The following SYNJ1 variants were observed in gnomAD, a reference collection of about 807,000 sequenced individuals.
The protein encoded by SYNJ1 is synaptojanin 1.
A neutral mutation model predicts 168.2 loss-of-function variants in SYNJ1; 78 were observed. The observed-to-expected ratio is 0.46, with a 90% confidence interval of 0.39 to 0.56. The LOEUF is 0.56. Among genes scored for constraint, SYNJ1 ranks in the 20% least tolerant of loss-of-function variants. The pLI, the probability that SYNJ1 is intolerant of heterozygous loss-of-function variation, is 0.00. For missense variants in SYNJ1, 1,303 were observed against 1,597.6 expected (o/e 0.82, Z 3.14); for synonymous variants, 539 against 548.6 (o/e 0.98, Z 0.24).
At chr21:32,683,899 AAG>A in intron 10 of SYNJ1, 137 bp downstream of exon 10, 3 of 687,826 alleles carry the variant, frequency 4.4e-6, no homozygotes, top group Non-Finnish European at 4.7e-6. Context: ...TGGCCAAAAA[AAG>A]AGACAGAGAT....
intron 14 of SYNJ1, among the ~76,000 whole-genome samples, chr21:32,672,078 A>G (rs1021379908): frequency 2.8e-5 from 4 of 144,292 alleles, no homozygotes; most frequent in African/African-American, 5.1e-5. Flanking sequence ...AAAAAAAAAA[A>G]AAAAAAGAAA....
chr21:32,676,697 A>T (rs1014666540), intron 12 of SYNJ1, among the ~76,000 whole-genome samples: 2 of 152,338 alleles, frequency 1.3e-5, no homozygotes, highest in Non-Finnish European at 2.9e-5. Flanking sequence ...AAACCTAAGA[A>T]GATGGAGGAT....
At chr21:32,670,765 G>A (rs1457946916) in intron 14 of SYNJ1, 1 of 979,472 alleles carries the variant, frequency 1.0e-6, no homozygotes, top group Non-Finnish European at 1.2e-6. Flanking sequence ...ACCTCAAATT[G>A]CTGGTAACAG....
chr21:32,684,718 T>C (rs1448063746), intron 9 of SYNJ1, among the ~76,000 whole-genome samples: 2 of 152,188 alleles, frequency 1.3e-5, no homozygotes, highest in Admixed American at 6.5e-5. Context: ...TCAAGAAATA[T>C]TAAAACGTAA....
chr21:32,654,269 C>T (rs903404293), intron 21 of SYNJ1, among the ~76,000 whole-genome samples: 7 of 151,900 alleles, frequency 4.6e-5, no homozygotes, highest in Admixed American at 1.3e-4. Flanking sequence ...AGGAAAAGGC[C>T]AAAACAAAAG....
chr21:32,718,708 T>C (rs1390613047), intron 2 of SYNJ1, among the ~76,000 whole-genome samples: 1 of 152,004 alleles, frequency 6.6e-6, no homozygotes, highest in Non-Finnish European at 1.5e-5. Flanking sequence ...TACCACCTAC[T>C]ATATTTATCC....
At position 32,726,833 on chromosome 21, in the gene SYNJ1, T is replaced by A; in HGVS notation, c.63A>T (p.Ile21=). ...ATTCTTCCTTATGCCTAGTTTCCAC[T>A]ATGAGGCTGAAAGGTGGGGGATCCA... The part of the protein sequence containing the change: ...HKLDPPPFSL[I]VETRHKEECL... The change falls in exon 2 of 33, where the codon ATA becomes ATT. Residue 21 remains isoleucine, a synonymous_variant. Coordinates refer to ENST00000674351, the MANE Select transcript of SYNJ1 (RefSeq NM_203446.3). 3 of 1,614,190 alleles carry A rather than the reference T, an allele frequency of 1.9e-6. No individual in the cohort carries two copies. Among genetic ancestry groups the A allele is most frequent in the Non-Finnish European group, 2.5e-6 (3 of 1,180,034 alleles).
chr21:32,665,802 C>T, intron 17 of SYNJ1, 141 bp downstream of exon 17: 4 of 917,130 alleles, frequency 4.4e-6, no homozygotes, highest in Non-Finnish European at 6.2e-6. Flanking sequence ...TGGGTTAATA[C>T]TCATGAAATA....
At chr21:32,694,021 T>A (rs1323830636) in intron 6 of SYNJ1, among the ~76,000 whole-genome samples, 1 of 152,192 alleles carries the variant, frequency 6.6e-6, no homozygotes, top group Non-Finnish European at 1.5e-5. Flanking sequence ...TCAATTTCAA[T>A]GGCTATTTGA....
In SYNJ1 at chr21:32,707,241, T is replaced by C. The variant is rs143648666; in HGVS notation, c.125-5194A>G. Among the ~76,000 whole-genome samples, 150 of 152,052 alleles carry C rather than the reference T, an allele frequency of 9.9e-4. 3 individuals carry two copies. The highest frequency in any genetic ancestry group is 7.1e-3 in the Admixed American group (108 of 15,254). On this transcript the variant is annotated intron_variant, in intron 2 of 32. Coordinates refer to ENST00000674351, the MANE Select transcript of SYNJ1 (RefSeq NM_203446.3). The stretch of plus-strand genomic sequence containing the variant: ...TCTCCTATTTTATACTATAGTTACA[T>C]GTAAACTAGTAACAACAGAAACTAA...
intron 17 of SYNJ1, among the ~76,000 whole-genome samples, chr21:32,665,282 C>T (rs961172023): frequency 6.6e-6 from 1 of 152,150 alleles, no homozygotes; most frequent in Admixed American, 6.5e-5. Context: ...GACAGGTAAA[C>T]CTGCCTCCCA....
chr21:32,638,820 T>C, intron 31 of SYNJ1, 88 bp downstream of exon 31: 2 of 1,292,052 alleles, frequency 1.5e-6, no homozygotes, highest in South Asian at 1.8e-5. Context: ...TTTTTACTTC[T>C]TATAACAGGC....
chr21:32,702,236 TC>T (rs1204046423), intron 2 of SYNJ1, among the ~76,000 whole-genome samples, 189 bp from the exon 3 acceptor site: 1 of 152,198 alleles, frequency 6.6e-6, no homozygotes, highest in Non-Finnish European at 1.5e-5. Context: ...TCCAAGACCA[TC>T]TATTAATTAA....
chr21:32,688,810 TTA>T (rs146326348), intron 6 of SYNJ1, among the ~76,000 whole-genome samples: 226 of 152,298 alleles, frequency 1.5e-3, no homozygotes, highest in African/African-American at 4.8e-3. Flanking sequence ...AGATGAGACT[TTA>T]TGTCTCTGAC....
At chr21:32,661,634 G>A (rs907783053) in intron 18 of SYNJ1, among the ~76,000 whole-genome samples, 7 of 152,198 alleles carry the variant, frequency 4.6e-5, no homozygotes, top group Admixed American at 6.5e-5. Flanking sequence ...TGACCTCAGA[G>A]TTCTGGAAAG....
intron 14 of SYNJ1, among the ~76,000 whole-genome samples, chr21:32,672,059 C>CAAAAAAAAAAA (rs1160074724): frequency 1.1e-3 from 26 of 24,656 alleles, no homozygotes; most frequent in Non-Finnish European, 1.2e-3. Flanking sequence ...AACTCAATCT[C>CAAAAAAAAAAA]AAAAAAAAAA....
At chr21:32,650,158 G>A (rs1230900110) in intron 23 of SYNJ1, 26 bp downstream of exon 23, 1 of 1,572,856 alleles carries the variant, frequency 6.4e-7, no homozygotes, top group East Asian at 2.3e-5. Flanking sequence ...AGAACTACAA[G>A]AAGTAAATGT....
At chr21:32,639,232 T>TA in intron 30 of SYNJ1, 107 bp from the exon 31 acceptor site, 1 of 1,010,870 alleles carries the variant, frequency 9.9e-7, no homozygotes, top group Non-Finnish European at 1.4e-6. Flanking sequence ...CTTCCCCCAA[T>TA]AAGTAGCCTC....
At chr21:32,669,635 G>A (rs913003802) in intron 15 of SYNJ1, among the ~76,000 whole-genome samples, 3 of 152,086 alleles carry the variant, frequency 2.0e-5, no homozygotes, top group African/African-American at 7.2e-5. Context: ...TAACCTTTAG[G>A]ACACTACCAT....
Sources: gnomAD v4.1 joint callset for allele counts (sites outside exome capture counted in the v4.1 genomes callset) on GRCh38, gnomAD v4.1.1 for gene constraint, MANE v1.5 for transcripts, NCBI Gene and HGNC (gene_info 2026-07-23, HGNC 2026-07-21) for gene names.